The following TRPM2 variants were observed in gnomAD, a reference collection of about 807,000 sequenced individuals.
TRPM2 encodes estrogen-responsive element-associated gene 1 protein.
In TRPM2, 161 loss-of-function variants were observed where a neutral mutation model predicts 174.0. The observed-to-expected ratio is 0.93, with a 90% CI of 0.81 to 1.05. The LOEUF (loss-of-function observed/expected upper bound fraction) is 1.05, where lower values mean the gene tolerates loss of function less well. TRPM2 is among the 50% of genes least tolerant of loss of function. The pLI is 0.00. For synonymous variants in TRPM2, 954 were observed against 861.3 expected, an observed-to-expected ratio of 1.11 and a Z score of -1.88; for missense variants, 2,057 against 2,038.0, an observed-to-expected ratio of 1.01 and a Z score of -0.18.
chr21:44,374,135 C>T (rs547915750), intron 5 of TRPM2, among the ~76,000 whole-genome samples: 3 of 152,146 alleles, frequency 2.0e-5, no homozygotes, highest in East Asian at 1.9e-4. Context: ...CTTAGCCTCC[C>T]GAGTAGCTGG....
chr21:44,359,808 C>A (rs1211678582), intron 2 of TRPM2, among the ~76,000 whole-genome samples: 2 of 151,540 alleles, frequency 1.3e-5, no homozygotes, highest in South Asian at 4.2e-4. Context: ...AGTGCAATGG[C>A]CTGATCTTGG....
Position 44,401,584 on chromosome 21 carries a change from C to G in TRPM2, c.2322-97C>G, listed in dbSNP as rs998110372. 2.8e-5 allele frequency: 37 copies of G among 1,307,076 alleles called. No individual in the cohort carries two copies. The African/African-American group carries it at 4.4e-4, about 15-fold the overall frequency. 81.0% of individuals were successfully genotyped at this position (1,307,076 alleles called of 1,614,324 possible). A position where few individuals can be genotyped will look rare whatever the true frequency, so the allele number is the denominator to read the frequency against. On this transcript the variant is annotated intron_variant, in intron 15 of 31. Coordinates refer to ENST00000397928, the MANE Select transcript of TRPM2 (RefSeq NM_003307.4). ...CTTTTGCCTCTAAAAGCACATCTCTCTGAGGGGCACGGGGGATCACGGGGT... is the reference window on the plus strand; with the variant it reads ...CTTTTGCCTCTAAAAGCACATCTCTGTGAGGGGCACGGGGGATCACGGGGT...
At chr21:44,408,640 C>G (rs2049986359) in intron 19 of TRPM2, among the ~76,000 whole-genome samples, 1 of 148,986 alleles carries the variant, frequency 6.7e-6, no homozygotes, top group Non-Finnish European at 1.5e-5. Flanking sequence ...AAATGTCTCT[C>G]CCTCTCCTTT....
At chr21:44,385,752 A>G (rs1390510504) in intron 9 of TRPM2, among the ~76,000 whole-genome samples, 1 of 152,196 alleles carries the variant, frequency 6.6e-6, no homozygotes, top group African/African-American at 2.4e-5. Flanking sequence ...ATCATGGTGG[A>G]AGATGAAGGG....
In TRPM2 at chr21:44,354,644, TC is replaced by T; in HGVS notation, c.166-3del. The T allele has an allele frequency of 6.2e-7, 1 of 1,613,516 alleles. No homozygotes were observed. The highest frequency in any genetic ancestry group is 8.5e-7 in the Non-Finnish European group (1 of 1,179,492). Reference sequence around the variant, plus strand: ...AGATCTCAGTGTGCTGTCTTTACCTTCAGCAAGAAAGCCTCAGTTCGTGGAT... The same window carrying T: ...AGATCTCAGTGTGCTGTCTTTACCTTAGCAAGAAAGCCTCAGTTCGTGGAT... On this transcript the variant is annotated splice_region_variant and splice_polypyrimidine_tract_variant and intron_variant, in intron 1 of 31. Coordinates refer to ENST00000397928, the MANE Select transcript of TRPM2 (RefSeq NM_003307.4). This position sits in a 1 kb window ranked among gnomAD's most constrained non-coding sequence, Gnocchi z 4.3.
intron 5 of TRPM2, among the ~76,000 whole-genome samples, chr21:44,375,489 C>G (rs987991290): frequency 6.6e-6 from 1 of 152,188 alleles, no homozygotes. Flanking sequence ...CAGGGTCACA[C>G]GTCTGTTTCC....
intron 20 of TRPM2, among the ~76,000 whole-genome samples, 177 bp from the exon 21 acceptor site, chr21:44,417,750 G>C (rs1234253047): frequency 6.9e-6 from 1 of 144,598 alleles, no homozygotes; most frequent in African/African-American, 2.6e-5. Flanking sequence ...GCGTGGCTCT[G>C]CTCTCTGTGA....
Position 44,405,189 on chromosome 21 carries a change from G to T in TRPM2, c.2586G>T (p.Leu862Phe). The change falls in exon 17 of 32, where the codon TTG becomes TTT. Residue 862 changes from leucine to phenylalanine, a missense_variant. Coordinates refer to ENST00000397928, the MANE Select transcript of TRPM2 (RefSeq NM_003307.4). Reference sequence around the variant, plus strand: ...GCGGGCTGATGAAGAAGGCAGCCTTGTACTTCAGTGACTTCTGGAATAAGC... The same window carrying T: ...GCGGGCTGATGAAGAAGGCAGCCTTTTACTTCAGTGACTTCTGGAATAAGC... ...DECGLMKKAA[L>F]YFSDFWNKLD... 6.2e-7 allele frequency: 1 copy of T among 1,613,532 alleles called. No individual in the cohort carries two copies. Among genetic ancestry groups the T allele is most frequent in the Non-Finnish European group, 8.5e-7 (1 of 1,179,976 alleles).
chr21:44,440,141 A>G (rs35463403), intron 30 of TRPM2, among the ~76,000 whole-genome samples: 85,212 of 150,310 alleles, frequency 0.57, 26,773 homozygotes, highest in East Asian at 0.76. Context: ...GTTCGAGACC[A>G]GCCTGGCCAA....
At chr21:44,388,020 G>T (rs1264652071) in intron 9 of TRPM2, among the ~76,000 whole-genome samples, 1 of 152,102 alleles carries the variant, frequency 6.6e-6, no homozygotes, top group Non-Finnish European at 1.5e-5. Context: ...ATTCCTATAT[G>T]ATCCAGCTAT....
intron 2 of TRPM2, among the ~76,000 whole-genome samples, chr21:44,361,376 G>A (rs937128696): frequency 6.6e-6 from 1 of 152,168 alleles, no homozygotes; most frequent in African/African-American, 2.4e-5. Context: ...GCCTCCCACA[G>A]TGCTGGGATT....
intron 30 of TRPM2, among the ~76,000 whole-genome samples, chr21:44,440,440 C>T (rs2051457679): frequency 1.3e-5 from 2 of 152,194 alleles, no homozygotes; most frequent in Non-Finnish European, 2.9e-5. Flanking sequence ...CCCAGCACTC[C>T]CGCATCTGCT....
At chr21:44,373,841 C>T (rs1245639403) in intron 5 of TRPM2, among the ~76,000 whole-genome samples, 1 of 152,238 alleles carries the variant, frequency 6.6e-6, no homozygotes, top group Non-Finnish European at 1.5e-5. Context: ...CACAAAACTG[C>T]ACAGCACAAT....
chr21:44,430,863 T>G (rs2050994065), intron 27 of TRPM2, among the ~76,000 whole-genome samples: 1 of 151,568 alleles, frequency 6.6e-6, no homozygotes. Context: ...TGAAATGTAT[T>G]GTGTCACAGA....
chr21:44,400,108 A>C, intron 14 of TRPM2, 151 bp from the exon 15 acceptor site: 1 of 628,938 alleles, frequency 1.6e-6, no homozygotes, highest in South Asian at 2.1e-5. Context: ...CCAAAGCCCC[A>C]GGGCAAGCTC....
Position 44,442,471 on chromosome 21 carries a change from T to G in TRPM2, c.*654T>G, listed in dbSNP as rs1601280587. On this transcript the variant is annotated 3_prime_UTR_variant, in exon 32 of 32. Transcript: ENST00000397928. ...GGGACGAGGCTGCAGAAGCTCTCCC[T>G]CCCTACTCCCTGGGAGCCACGTGCT... is the stretch of plus-strand genomic sequence containing the variant. 1 of 152,338 alleles carries G rather than the reference T, an allele frequency of 6.6e-6. No individual in the cohort carries two copies. The highest frequency in any genetic ancestry group is 1.9e-4 in the East Asian group (1 of 5,160). The allele number at this position is 152,338 out of a possible 1,614,324, so 9.4% of individuals were successfully genotyped here. A position where few individuals can be genotyped will look rare whatever the true frequency, so the allele number is the denominator to read the frequency against.
Position 44,432,834 on chromosome 21 carries a change from G to A in TRPM2, c.3975-2297G>A, listed in dbSNP as rs1458803923. 6.6e-6 allele frequency among the ~76,000 whole-genome samples: 1 copy of A among 152,220 alleles called. No homozygotes were observed. The highest frequency in any genetic ancestry group is 2.4e-5 in the African/African-American group (1 of 41,450). ...GCTGAGTGGATGAGTGAATGAACGT[G>A]TGATTGCTGTAGCCAGACTGTCGCT... On this transcript the variant is annotated intron_variant, in intron 27 of 31. Transcript: ENST00000397928. The surrounding 1 kb of genome is among the most constrained non-coding windows in gnomAD (Gnocchi z 4.9).
chr21:44,368,366 C>T (rs1022641057), intron 4 of TRPM2, among the ~76,000 whole-genome samples: 1 of 151,534 alleles, frequency 6.6e-6, no homozygotes, highest in African/African-American at 2.4e-5. Flanking sequence ...CTTGGCCTCC[C>T]AAAGTGCTGG....
At chr21:44,397,215 A>T (rs905648281) in intron 12 of TRPM2, among the ~76,000 whole-genome samples, 1 of 151,806 alleles carries the variant, frequency 6.6e-6, no homozygotes, top group Non-Finnish European at 1.5e-5. Flanking sequence ...ATTTTTTATA[A>T]TTTAGTAGAG....
Sources: allele counts gnomAD v4.1 joint callset (sites outside exome capture counted in the v4.1 genomes callset), GRCh38; gene constraint gnomAD v4.1.1; non-coding constraint Gnocchi (gnomAD v3.1); transcripts MANE v1.5; gene names NCBI Gene and HGNC (gene_info 2026-07-23, HGNC 2026-07-21).